LAMB4: variants seen among roughly 807,000 people sequenced by gnomAD.
The protein encoded by LAMB4 is laminin subunit beta 4.
LAMB4 carries 196 observed loss-of-function variants against 199.2 expected under a neutral mutation model. The observed-to-expected ratio is 0.98, with a 90% CI of 0.88 to 1.11. LAMB4 has a LOEUF of 1.11. Ranked by LOEUF, LAMB4 falls within the 50% of genes least tolerant of loss-of-function variation. LAMB4 has a pLI of 0.00. For synonymous variants in LAMB4, 744 were observed against 770.6 expected (o/e 0.97, Z 0.57); for missense variants, 2,080 against 2,171.2 (o/e 0.96, Z 0.83).
rs2035964496 is a variant in LAMB4 at position 108,055,840 on chromosome 7, C to T, written c.3547G>A (p.Asp1183Asn). The T allele has an allele frequency of 6.2e-7, 1 of 1,614,096 alleles. No individual in the cohort carries two copies. The highest frequency in any genetic ancestry group is 8.5e-7 in the Non-Finnish European group (1 of 1,180,004). Reference protein sequence around the residue: ...LQCHLCFDQWDHTISSLSKAV... With the variant: ...LQCHLCFDQWNHTISSLSKAV... ...TTGGAGAGGGAAGAAATGGTGTGGTCCCACTGATCAAAGCACAAGTGACAT... is the reference window on the plus strand; with the variant it reads ...TTGGAGAGGGAAGAAATGGTGTGGTTCCACTGATCAAAGCACAAGTGACAT... The change falls in exon 25 of 34, where the codon GAC becomes AAC. Residue 1183 changes from aspartate to asparagine, a missense_variant. By Grantham distance (23) the Asp-to-Asn change is conservative. Coordinates refer to ENST00000388781, the MANE Select transcript of LAMB4 (RefSeq NM_007356.3).
At chr7:108,042,422 AAGG>A (rs1232392719) in intron 29 of LAMB4, among the ~76,000 whole-genome samples, 1 of 151,690 alleles carries the variant, frequency 6.6e-6, no homozygotes, top group African/African-American at 2.4e-5. Context: ...ACTAGATAGA[AAGG>A]AGGTCATGTA....
intron 32 of LAMB4, among the ~76,000 whole-genome samples, chr7:108,030,452 G>A (rs1012507897): frequency 6.6e-6 from 1 of 152,138 alleles, no homozygotes; most frequent in Non-Finnish European, 1.5e-5. Context: ...TATGTTGTGT[G>A]ACTGAATGAG....
chr7:108,123,802 C>T (rs1205771028), intron 1 of LAMB4, among the ~76,000 whole-genome samples: 1 of 152,176 alleles, frequency 6.6e-6, no homozygotes, highest in East Asian at 1.9e-4. Flanking sequence ...AACAAATGCA[C>T]TTTTAATTAG....
intron 31 of LAMB4, among the ~76,000 whole-genome samples, chr7:108,031,340 AAAAAAAAG>A (rs1258549310): frequency 0.072 from 9,556 of 133,500 alleles, 281 homozygotes; most frequent in African/African-American, 0.18. Flanking sequence ...ACAAAAAAAA[AAAAAAAAG>A]AAAAAAAAGA....
chr7:108,030,751 TC>T (rs1203073634), intron 32 of LAMB4, 54 bp downstream of exon 32: 4 of 1,548,840 alleles, frequency 2.6e-6, no homozygotes, highest in Non-Finnish European at 3.5e-6. Context: ...TAAAGAACTA[TC>T]TTTCAAAGAA....
chr7:108,094,687 A>G (rs548499954), intron 12 of LAMB4, among the ~76,000 whole-genome samples: 100 of 152,146 alleles, frequency 6.6e-4, no homozygotes, highest in Non-Finnish European at 1.3e-3. Context: ...TATGGAGTGA[A>G]TATGTTTTAT....
chr7:108,072,776 GT>G (rs1188496771), intron 17 of LAMB4, among the ~76,000 whole-genome samples: 1 of 152,154 alleles, frequency 6.6e-6, no homozygotes, highest in African/African-American at 2.4e-5. Flanking sequence ...AATTTGTTCA[GT>G]AAAGAATATT....
At chr7:108,064,543 A>C (rs983837072) in intron 21 of LAMB4, among the ~76,000 whole-genome samples, 2 of 152,176 alleles carry the variant, frequency 1.3e-5, no homozygotes, top group Non-Finnish European at 2.9e-5. Context: ...TTACCCTTGC[A>C]ACCATGAGAT....
chr7:108,039,329 A>G (rs952356357), intron 29 of LAMB4, among the ~76,000 whole-genome samples: 1 of 152,006 alleles, frequency 6.6e-6, no homozygotes, highest in Non-Finnish European at 1.5e-5. Context: ...TGCTTTAGCT[A>G]TTTTTCTTAA....
rs1385626341 is a variant in LAMB4 at position 108,111,838 on chromosome 7, CTCTG to C, written c.297_300del (p.Asp99GlufsTer21). 2 of 1,612,238 alleles carry C rather than the reference CTCTG, an allele frequency of 1.2e-6. No homozygotes were observed. The highest frequency in any genetic ancestry group is 1.3e-5 in the African/African-American group (1 of 74,876). ...TTTTCAGATTGCCACCATTTCTTTT[CTCTG>C]TCTGGTTCAAAACTTACAATGACAT... On this transcript the variant is annotated frameshift_variant, in exon 4 of 34. Transcript: ENST00000388781. LOFTEE classifies it high-confidence loss of function.
At position 108,029,207 on chromosome 7, in the gene LAMB4, C is replaced by A; in HGVS notation, c.4993-11G>T. 1 of 1,609,268 alleles carries A rather than the reference C, an allele frequency of 6.2e-7. No individual in the cohort carries two copies. Among genetic ancestry groups the A allele is most frequent in the Non-Finnish European group, 8.5e-7 (1 of 1,178,044 alleles). ...CAGCTCAACAAATTCCTGTAACAAG[C>A]AACACTTGCATCATGAGAAAATATG... On this transcript the variant is annotated splice_polypyrimidine_tract_variant and intron_variant, in intron 32 of 33. Transcript: ENST00000388781.
intron 23 of LAMB4, among the ~76,000 whole-genome samples, chr7:108,059,423 C>G (rs1468430149): frequency 6.6e-6 from 1 of 152,168 alleles, no homozygotes; most frequent in African/African-American, 2.4e-5. Context: ...GCCATCCCAA[C>G]CTGCCTTGGC....
intron 29 of LAMB4, among the ~76,000 whole-genome samples, chr7:108,039,615 C>T (rs1019054928): frequency 4.0e-5 from 6 of 151,780 alleles, no homozygotes; most frequent in African/African-American, 1.5e-4. Context: ...ATCATAGGCA[C>T]GCACCACCAC....
At position 108,104,614 on chromosome 7, in the gene LAMB4, G is replaced by A. The variant is rs371851042; in HGVS notation, c.876C>T (p.His292=). The A allele has an allele frequency of 5.2e-5, 84 of 1,613,840 alleles. No homozygotes were observed. The highest frequency in any genetic ancestry group is 2.5e-4 in the South Asian group (23 of 91,056). The change falls in exon 9 of 34, where the codon CAC becomes CAT. Residue 292 remains histidine, a synonymous_variant. Transcript: ENST00000388781. ...TATTGTGCTGACACACACACTGACC[G>A]TGAACCTGCATTGTGCAATAAATAG... The part of the protein sequence containing the change: ...GDVFSPPGMV[H]GQCVCQHNTD...
intron 28 of LAMB4, among the ~76,000 whole-genome samples, chr7:108,044,971 A>AG (rs1406001722): frequency 2.1e-5 from 3 of 144,098 alleles, no homozygotes; most frequent in Non-Finnish European, 3.0e-5. Context: ...AAAAAAAAAA[A>AG]AAAGAAAAGA....
chr7:108,033,564 A>T lies in LAMB4; in HGVS notation c.4818+644T>A, dbSNP rs967017413. Among the ~76,000 whole-genome samples the T allele has an allele frequency of 7.9e-5, 12 of 152,094 alleles. No homozygotes were observed. In the South Asian group the frequency reaches 2.1e-3, roughly 26 times the overall value. ...GCTGGGATTATAGGTGCCTGCCACC[A>T]TGCCTGGCTAATTTTTGTATTTTTC... On this transcript the variant is annotated intron_variant, in intron 31 of 33. Transcript: ENST00000388781.
chr7:108,077,149 C>T (rs2036734164), intron 16 of LAMB4, 85 bp from the exon 17 acceptor site: 9 of 1,395,792 alleles, frequency 6.4e-6, no homozygotes, highest in Non-Finnish European at 8.0e-6. Flanking sequence ...GGTAGCATTG[C>T]ACTTGTACTG....
At position 108,023,994 on chromosome 7, in the gene LAMB4, C is replaced by A. The variant is rs1241273259; in HGVS notation, c.*45G>T. ...AACAGAGCCCCAGGGGCTTGTACAT[C>A]AGAAACCAGAAACAAAGGCACAAGC... On this transcript the variant is annotated 3_prime_UTR_variant, in exon 34 of 34. Transcript: ENST00000388781. 1.3e-6 allele frequency: 2 copies of A among 1,549,252 alleles called. No homozygotes were observed. The highest frequency in any genetic ancestry group is 1.7e-6 in the Non-Finnish European group (2 of 1,150,490).
In LAMB4 at chr7:108,063,916, G is replaced by T; in HGVS notation, c.2906C>A (p.Pro969Gln). The part of the protein sequence containing the change: ...NPRISGAPCQ[P>Q]CACNNNIDVT... ...ATCTATGTTGTTGTTGCAGGCACAT[G>T]GTTGGCAAGGTGCTCCTGAAATTCT... is the stretch of plus-strand genomic sequence containing the variant. The change falls in exon 22 of 34, where the codon CCA becomes CAA. Residue 969 changes from proline to glutamine, a missense_variant. Coordinates refer to ENST00000388781, the MANE Select transcript of LAMB4 (RefSeq NM_007356.3). The T allele has an allele frequency of 6.2e-7, 1 of 1,614,168 alleles. No individual in the cohort carries two copies. Among genetic ancestry groups the T allele is most frequent in the Non-Finnish European group, 8.5e-7 (1 of 1,180,030 alleles).
Sources: allele counts gnomAD v4.1 joint callset (sites outside exome capture counted in the v4.1 genomes callset), GRCh38; gene constraint gnomAD v4.1.1; transcripts MANE v1.5; gene names NCBI Gene and HGNC (gene_info 2026-07-23, HGNC 2026-07-21).